Variants in BAIAP2 observed in about 807,000 individuals in gnomAD.
The protein encoded by BAIAP2 is BAR/IMD domain containing adaptor protein 2, also known as BAR/IMD domain-containing adapter protein 2.
In BAIAP2, 18 loss-of-function variants were observed where a neutral mutation model predicts 63.0. The observed-to-expected ratio is 0.29, with a 90% confidence interval of 0.20 to 0.42. The LOEUF (loss-of-function observed/expected upper bound fraction) is 0.42, where lower values mean the gene tolerates loss of function less well. Ranked by LOEUF, BAIAP2 falls within the 10% of genes least tolerant of loss-of-function variation. BAIAP2 has a pLI of 1.00. For synonymous variants in BAIAP2, 386 were observed against 307.6 expected, an observed-to-expected ratio of 1.25 and a Z score of -2.67; for missense variants, 610 against 734.3, an observed-to-expected ratio of 0.83 and a Z score of 1.96.
In BAIAP2 at chr17:81,117,322, TAAAAAAC is replaced by T. The variant is rs1348500980; in HGVS notation, c.*1486_*1492del. ...TCTTTTGTCTTAGCTTCATTTCTCTTAAAAAACAAGGAACAAGAAAACATTGCACCAG... is the reference window on the plus strand; with the variant it reads ...TCTTTTGTCTTAGCTTCATTTCTCTTAAGGAACAAGAAAACATTGCACCAG... On this transcript the variant is annotated 3_prime_UTR_variant, in exon 14 of 14. Coordinates refer to ENST00000428708, the MANE Select transcript of BAIAP2 (RefSeq NM_001144888.2). The T allele has an allele frequency of 1.3e-5, 2 of 152,324 alleles. No individual in the cohort carries two copies. Among genetic ancestry groups the T allele is most frequent in the African/African-American group, 2.4e-5 (1 of 41,552 alleles). The allele number at this position is 152,324 out of a possible 1,614,324, so 9.4% of individuals were successfully genotyped here. A position where few individuals can be genotyped will look rare whatever the true frequency, so the allele number is the denominator to read the frequency against.
rs775403797 is a variant in BAIAP2, at chr17:81,086,427, A to G, written c.352-16A>G. On this transcript the variant is annotated splice_polypyrimidine_tract_variant and intron_variant, in intron 5 of 13. Transcript: ENST00000428708. The stretch of plus-strand genomic sequence containing the variant: ...TTCATGGGCCTTGGTTTTGTGTTTT[A>G]TTGTTTGAATCTCAGGCTGCGCTGA... 3.7e-6 allele frequency: 6 copies of G among 1,612,870 alleles called. No individual in the cohort carries two copies. Among genetic ancestry groups the G allele is most frequent in the Non-Finnish European group, 8.5e-7 (1 of 1,179,174 alleles).
At chr17:81,108,648 G>A (rs999821491) in intron 13 of BAIAP2, 139 bp downstream of exon 13, 1 of 1,171,408 alleles carries the variant, frequency 8.5e-7, no homozygotes, top group Non-Finnish European at 1.2e-6. Flanking sequence ...GTCAGAGCCG[G>A]GGATGTCCCT....
rs1027578178 is a variant in BAIAP2, at chr17:81,046,644, T to A, written c.55-7024T>A. Among the ~76,000 whole-genome samples, 5 of 152,120 alleles carry A rather than the reference T, an allele frequency of 3.3e-5. No individual in the cohort carries two copies. Among genetic ancestry groups the A allele is most frequent in the African/African-American group, 1.2e-4 (5 of 41,420 alleles). On this transcript the variant is annotated intron_variant, in intron 1 of 13. Coordinates refer to ENST00000428708, the MANE Select transcript of BAIAP2 (RefSeq NM_001144888.2). The surrounding 1 kb of genome is among the most constrained non-coding windows in gnomAD (Gnocchi z 4.5). The stretch of plus-strand genomic sequence containing the variant: ...CAACCCCCCTGGCAGCCAAGGGAAC[T>A]GAGCCTGTGGCCCCCGGACAGCAAG...
intron 1 of BAIAP2, among the ~76,000 whole-genome samples, chr17:81,051,285 C>G (rs769377493): frequency 6.6e-6 from 1 of 152,248 alleles, no homozygotes; most frequent in African/African-American, 2.4e-5. Flanking sequence ...CTCTCTTCCC[C>G]TCTGACATCC....
intron 3 of BAIAP2, among the ~76,000 whole-genome samples, chr17:81,070,816 C>T (rs1304063099): frequency 6.6e-6 from 1 of 152,208 alleles, no homozygotes; most frequent in Non-Finnish European, 1.5e-5. Context: ...GATTTGGTGC[C>T]AGAGGCCCGG....
chr17:81,052,136 G>A (rs1359836781), intron 1 of BAIAP2, among the ~76,000 whole-genome samples: 2 of 152,154 alleles, frequency 1.3e-5, no homozygotes, highest in African/African-American at 2.4e-5. Flanking sequence ...CTCACGCCGG[G>A]TCCTGCTTTC....
chr17:81,101,085 T>C (rs375168026), intron 7 of BAIAP2, among the ~76,000 whole-genome samples: 1 of 149,202 alleles, frequency 6.7e-6, no homozygotes, highest in African/African-American at 2.5e-5. Flanking sequence ...TCCCGCTAGG[T>C]GTCCCCCGGC....
intron 3 of BAIAP2, among the ~76,000 whole-genome samples, chr17:81,073,478 A>G (rs35867081): frequency 0.5 from 76,194 of 152,040 alleles, 19,573 homozygotes; most frequent in East Asian, 0.67. Flanking sequence ...CTGACTAAGC[A>G]GAGTGTTAAC....
At chr17:81,085,593 C>CA in intron 4 of BAIAP2, 61 bp from the exon 5 acceptor site, 1 of 1,428,492 alleles carries the variant, frequency 7.0e-7, no homozygotes, top group Non-Finnish European at 9.9e-7. Flanking sequence ...CCCTGCCCTG[C>CA]CTCCTGTTCC....
At chr17:81,051,479 A>G (rs569219123) in intron 1 of BAIAP2, among the ~76,000 whole-genome samples, 4 of 151,996 alleles carry the variant, frequency 2.6e-5, no homozygotes, top group Non-Finnish European at 4.4e-5. Flanking sequence ...AGCTCACCAC[A>G]ATTTCCGCCT....
intron 1 of BAIAP2, among the ~76,000 whole-genome samples, chr17:81,050,121 G>A (rs868145126): frequency 6.6e-6 from 1 of 152,330 alleles, no homozygotes; most frequent in Middle Eastern, 3.4e-3. Flanking sequence ...CGTGCCTGAG[G>A]CAGGGCTCCA....
At chr17:81,096,737 G>A (rs752200523) in intron 6 of BAIAP2, among the ~76,000 whole-genome samples, 23 of 152,260 alleles carry the variant, frequency 1.5e-4, no homozygotes, top group Non-Finnish European at 2.9e-4. Flanking sequence ...GCTGCAGTAT[G>A]TGGCGTCCTG....
chr17:81,063,965 G>GC (rs1032237974), intron 3 of BAIAP2: 4 of 152,282 alleles, frequency 2.6e-5, no homozygotes, highest in African/African-American at 9.6e-5. Flanking sequence ...GCTCAGACCA[G>GC]CCCCTTGCTT....
intron 3 of BAIAP2, among the ~76,000 whole-genome samples, chr17:81,068,325 C>T (rs1220317000): frequency 6.6e-6 from 1 of 152,246 alleles, no homozygotes; most frequent in South Asian, 2.1e-4. Context: ...GAGCAGACCA[C>T]GCCCATGGCA....
At chr17:81,110,055 A>G (rs572630587) in intron 13 of BAIAP2, 2 of 985,438 alleles carry the variant, frequency 2.0e-6, no homozygotes, top group Middle Eastern at 5.2e-4. Context: ...GGCTACTGGT[A>G]TTGTCTCTTC....
intron 3 of BAIAP2, among the ~76,000 whole-genome samples, chr17:81,061,977 C>T (rs958496423): frequency 6.6e-6 from 1 of 152,210 alleles, no homozygotes; most frequent in Non-Finnish European, 1.5e-5. Flanking sequence ...GAATCTCACT[C>T]TGTCACCCAG....
chr17:81,105,310 G>A, intron 10 of BAIAP2: 1 of 157,566 alleles, frequency 6.3e-6, no homozygotes, highest in Admixed American at 6.3e-5. Context: ...GCAGGGTGTG[G>A]CATCCCACAC....
chr17:81,110,536 C>T, intron 13 of BAIAP2: 2 of 1,124,674 alleles, frequency 1.8e-6, no homozygotes, highest in Non-Finnish European at 2.2e-6. Context: ...GGACCTCCTT[C>T]CGGTTCCCGG....
intron 3 of BAIAP2, among the ~76,000 whole-genome samples, chr17:81,070,323 G>T (rs2052361634): frequency 1.3e-5 from 2 of 152,218 alleles, no homozygotes; most frequent in South Asian, 4.1e-4. Flanking sequence ...CCAAGCTGTG[G>T]CCTGGGTCTG....
Sources: allele counts gnomAD v4.1 joint callset (sites outside exome capture counted in the v4.1 genomes callset), GRCh38; gene constraint gnomAD v4.1.1; non-coding constraint Gnocchi (gnomAD v3.1); transcripts MANE v1.5; gene names NCBI Gene and HGNC (gene_info 2026-07-23, HGNC 2026-07-21).